Variants in IQCK observed in about 807,000 individuals in gnomAD.
IQCK encodes IQ domain-containing protein K.
A neutral mutation model predicts 28.1 loss-of-function variants in IQCK; 29 were observed. That is an observed-to-expected ratio of 1.03 (90% CI 0.77 to 1.41). The LOEUF is 1.41. IQCK is among the 40% of genes most tolerant of loss of function. The pLI, the probability that IQCK is intolerant of heterozygous loss-of-function variation, is 0.00. For synonymous variants in IQCK, 113 were observed against 115.1 expected (o/e 0.98, Z 0.12); for missense variants, 359 against 314.7 (o/e 1.14, Z -1.07).
intron 6 of IQCK, among the ~76,000 whole-genome samples, chr16:19,782,065 GGTA>G (rs1402191220): frequency 6.6e-6 from 1 of 152,056 alleles, no homozygotes; most frequent in Non-Finnish European, 1.5e-5. Flanking sequence ...GCGAGGGCTG[GGTA>G]AAGTCTCTTT....
At chr16:19,730,753 CTATCT>C (rs1373304420) in intron 2 of IQCK, among the ~76,000 whole-genome samples, 7 of 123,032 alleles carry the variant, frequency 5.7e-5, no homozygotes, top group Non-Finnish European at 9.1e-5. Context: ...GTCTATCTAT[CTATCT>C]TATCTTATCT....
intron 6 of IQCK, among the ~76,000 whole-genome samples, chr16:19,765,357 G>A (rs1216047554): frequency 6.6e-6 from 1 of 151,748 alleles, no homozygotes; most frequent in East Asian, 1.9e-4. Context: ...GGCCAACATG[G>A]CAAAACCCCG....
At chr16:19,725,240 C>G (rs539586210) in intron 1 of IQCK, among the ~76,000 whole-genome samples, 2 of 152,208 alleles carry the variant, frequency 1.3e-5, no homozygotes, top group Admixed American at 1.3e-4. Context: ...GGCTGTCGCC[C>G]AGGCTGAAGT....
rs375762056 is a variant in IQCK at position 19,741,743 on chromosome 16, TAGAG to T, written c.474+6296_474+6299del. Among the ~76,000 whole-genome samples the T allele has an allele frequency of 4.7e-3, 722 of 152,306 alleles. 5 individuals are homozygous for T. Among genetic ancestry groups the T allele is most frequent in the African/African-American group, 0.017 (704 of 41,564 alleles). On this transcript the variant is annotated intron_variant, in intron 4 of 7. Transcript: ENST00000564186. The stretch of plus-strand genomic sequence containing the variant: ...GGTTCATGCCTGTAATCCCACCACT[TAGAG>T]AGGCCGAGGCGGGAGGATTGCTTGA...
exon 10 of IQCK, chr16:19,857,221 ACCGACCCTCAAGG>A: frequency 3.6e-6 from 1 of 277,000 alleles, no homozygotes; most frequent in South Asian, 3.4e-5. Flanking sequence ...AATGCCACAG[ACCGACCCTCAAGG>A]CAGATCCGAA....
intron 4 of IQCK, among the ~76,000 whole-genome samples, chr16:19,754,637 C>CT (rs11295871): frequency 2.3e-4 from 34 of 149,526 alleles, no homozygotes; most frequent in South Asian, 4.2e-4. Flanking sequence ...TTTTCTCTTT[C>CT]TTTTTTTTTT....
At position 19,851,221 on chromosome 16, in the gene IQCK, C is replaced by G. The variant is rs547816111; in HGVS notation, c.803-5266C>G. Among the ~76,000 whole-genome samples, 4 of 152,228 alleles carry G rather than the reference C, an allele frequency of 2.6e-5. No individual in the cohort carries two copies. In the East Asian group the frequency reaches 7.7e-4, roughly 29 times the overall value. ...AACAGGCACTGTTTCCCAAACTTGC[C>G]CAAATCTGCTCTCTTTCCCAAACTT... On this transcript the variant is annotated intron_variant, in intron 9 of 9. Transcript: ENST00000320394.
chr16:19,718,336 C>T (rs763767659), exon 1 of IQCK: 5 of 1,610,034 alleles, frequency 3.1e-6, no homozygotes, highest in Admixed American at 1.7e-5. Flanking sequence ...TCCCCAGCCA[C>T]ATAGTGCGCC....
downstream of IQCK, among the ~76,000 whole-genome samples, chr16:19,828,850 C>CAA (rs942676181): frequency 3.2e-5 from 4 of 125,630 alleles, no homozygotes; most frequent in East Asian, 2.3e-4. Context: ...GACACCGTCT[C>CAA]AAAAAAAATA....
chr16:19,741,768 C>T (rs2054838842), intron 4 of IQCK, among the ~76,000 whole-genome samples: 1 of 152,162 alleles, frequency 6.6e-6, no homozygotes, highest in Admixed American at 6.5e-5. Context: ...GGGAGGATTG[C>T]TTGAACCCAG....
intron 4 of IQCK, among the ~76,000 whole-genome samples, chr16:19,760,332 C>A (rs1020836538): frequency 2.0e-5 from 3 of 152,008 alleles, no homozygotes; most frequent in Admixed American, 1.3e-4. Flanking sequence ...CCTGAAAGGT[C>A]CAGGGAATTT....
At chr16:19,776,481 G>C (rs1157133349) in intron 6 of IQCK, among the ~76,000 whole-genome samples, 3 of 152,128 alleles carry the variant, frequency 2.0e-5, no homozygotes, top group South Asian at 4.1e-4. Context: ...AAGATGGGCA[G>C]ATCACCTGAG....
intron 9 of IQCK, among the ~76,000 whole-genome samples, chr16:19,850,906 A>G (rs1402808152): frequency 2.6e-5 from 4 of 152,086 alleles, no homozygotes; most frequent in Non-Finnish European, 4.4e-5. Flanking sequence ...GGTCCCAGCT[A>G]TTAATACTTA....
At chr16:19,761,512 C>T (rs965938585) in intron 4 of IQCK, 2 of 430,542 alleles carry the variant, frequency 4.6e-6, no homozygotes, top group African/African-American at 4.1e-5. Context: ...AGGATCTCTC[C>T]ACATGGCAAC....
chr16:19,852,619 CTT>C (rs768835414), intron 9 of IQCK, among the ~76,000 whole-genome samples: 12 of 135,256 alleles, frequency 8.9e-5, no homozygotes, highest in African/African-American at 1.4e-4. Flanking sequence ...TTTCCTTCAA[CTT>C]TTTTTTTTTT....
At chr16:19,829,615 G>A (rs535348158), downstream of IQCK, among the ~76,000 whole-genome samples, 9 of 152,234 alleles carry the variant, frequency 5.9e-5, no homozygotes, top group East Asian at 1.5e-3. Flanking sequence ...GGGATTACAG[G>A]CATCAGCCAC....
intron 6 of IQCK, among the ~76,000 whole-genome samples, chr16:19,771,947 A>G (rs943451606): frequency 6.6e-6 from 1 of 152,144 alleles, no homozygotes; most frequent in Non-Finnish European, 1.5e-5. Flanking sequence ...ATAAATAGGG[A>G]TGGCCCAGCT....
At chr16:19,821,009 A>G (rs2056064667) in intron 7 of IQCK, among the ~76,000 whole-genome samples, 1 of 152,166 alleles carries the variant, frequency 6.6e-6, no homozygotes, top group Non-Finnish European at 1.5e-5. Flanking sequence ...TTTAAACCAC[A>G]ATGAGATGCC....
At chr16:19,757,857 T>A (rs536634908) in intron 4 of IQCK, among the ~76,000 whole-genome samples, 1 of 152,334 alleles carries the variant, frequency 6.6e-6, no homozygotes, top group South Asian at 2.1e-4. Flanking sequence ...TTTGCTTTAT[T>A]TGTTTTATCA....
Sources: allele counts gnomAD v4.1 joint callset (sites outside exome capture counted in the v4.1 genomes callset), GRCh38; gene constraint gnomAD v4.1.1; transcripts MANE v1.5; gene names NCBI Gene and HGNC (gene_info 2026-07-23, HGNC 2026-07-21).